MNDA: variants seen among roughly 807,000 people sequenced by gnomAD.
MNDA encodes myeloid cell nuclear differentiation antigen, also known as epididymis secretory sperm binding protein.
In MNDA, 43 loss-of-function variants were observed where a neutral mutation model predicts 37.8. That is an observed-to-expected ratio of 1.14 (90% CI 0.89 to 1.47). The LOEUF (loss-of-function observed/expected upper bound fraction) is 1.47. Ranked by LOEUF, MNDA falls within the 40% of genes most tolerant of loss-of-function variation. MNDA has a pLI of 0.00. For synonymous variants in MNDA, 181 were observed against 169.0 expected (o/e 1.07, Z -0.55); for missense variants, 536 against 476.0 (o/e 1.13, Z -1.17).
chr1:158,844,455 G>C (rs1293926936), intron 4 of MNDA, among the ~76,000 whole-genome samples: 1 of 150,234 alleles, frequency 6.7e-6, no homozygotes, highest in East Asian at 1.9e-4. Context: ...ATCTGCCAAC[G>C]TTCTCTTCAG....
intron 1 of MNDA, among the ~76,000 whole-genome samples, chr1:158,833,422 C>A (rs1353564505): frequency 6.6e-6 from 1 of 152,170 alleles, no homozygotes; most frequent in East Asian, 1.9e-4. Flanking sequence ...TGCAACCAAC[C>A]TCCAGAACGC....
At chr1:158,837,179 GGCTTTACT>G (rs1232867617) in intron 1 of MNDA, among the ~76,000 whole-genome samples, 1 of 151,770 alleles carries the variant, frequency 6.6e-6, no homozygotes, top group East Asian at 1.9e-4. Context: ...TACTGTTGTT[GGCTTTACT>G]GTTTTGGATA....
intron 1 of MNDA, among the ~76,000 whole-genome samples, chr1:158,834,971 C>A (rs1658878916): frequency 6.6e-6 from 1 of 152,248 alleles, no homozygotes; most frequent in South Asian, 2.1e-4. Context: ...TTCCATTGTT[C>A]TTTATGTCTG....
intron 1 of MNDA, among the ~76,000 whole-genome samples, chr1:158,839,746 T>C (rs1239252212): frequency 6.6e-6 from 1 of 152,216 alleles, no homozygotes; most frequent in African/African-American, 2.4e-5. Flanking sequence ...TTCCACTATT[T>C]TGAATGTGGC....
intron 1 of MNDA, among the ~76,000 whole-genome samples, chr1:158,834,259 G>A (rs962060173): frequency 1.4e-5 from 2 of 144,492 alleles, no homozygotes; most frequent in African/African-American, 5.3e-5. Context: ...TTGAGACGGA[G>A]TTTCGCCCTG....
intron 6 of MNDA, among the ~76,000 whole-genome samples, chr1:158,848,848 A>G (rs963920416): frequency 6.6e-6 from 1 of 152,144 alleles, no homozygotes; most frequent in African/African-American, 2.4e-5. Context: ...TGGTAGTTTG[A>G]AATCAGCCAT....
intron 1 of MNDA, among the ~76,000 whole-genome samples, chr1:158,832,779 T>C (rs1240376812): frequency 6.6e-6 from 1 of 152,064 alleles, no homozygotes; most frequent in Admixed American, 6.5e-5. Context: ...TTTCTCAAAC[T>C]TAAGTGAACT....
chr1:158,842,010 C>T (rs1659036771), intron 1 of MNDA, 124 bp from the exon 2 acceptor site: 1 of 726,812 alleles, frequency 1.4e-6, no homozygotes, highest in South Asian at 1.9e-5. Flanking sequence ...TAACTTAGTC[C>T]CTTTTTCTTA....
chr1:158,846,921 G>A (rs921850250), intron 5 of MNDA, among the ~76,000 whole-genome samples: 2 of 152,214 alleles, frequency 1.3e-5, no homozygotes, highest in African/African-American at 4.8e-5. Context: ...TACAGAGTAT[G>A]AATGGAGGGA....
At chr1:158,842,446 AC>A in intron 2 of MNDA, 28 bp downstream of exon 2, 1 of 1,586,010 alleles carries the variant, frequency 6.3e-7, no homozygotes, top group South Asian at 1.2e-5. Context: ...GCACATAGCT[AC>A]TCTGCCTTGA....
At chr1:158,834,798 T>G (rs762301906) in intron 1 of MNDA, among the ~76,000 whole-genome samples, 16 of 152,342 alleles carry the variant, frequency 1.1e-4, no homozygotes, top group Admixed American at 1.3e-4. Context: ...AGTTACATTT[T>G]GTATATGATG....
chr1:158,835,416 G>T (rs535007874), intron 1 of MNDA, among the ~76,000 whole-genome samples: 1 of 152,006 alleles, frequency 6.6e-6, no homozygotes, highest in Non-Finnish European at 1.5e-5. Flanking sequence ...CGTTGTTAGC[G>T]TATAAAAACA....
intron 2 of MNDA, among the ~76,000 whole-genome samples, chr1:158,843,023 T>C (rs1659062691): frequency 6.6e-6 from 1 of 152,186 alleles, no homozygotes. Context: ...CACATGGAGT[T>C]CACAGGAAAG....
At chr1:158,842,600 A>C in intron 2 of MNDA, 182 bp downstream of exon 2, 1 of 550,874 alleles carries the variant, frequency 1.8e-6, no homozygotes, top group East Asian at 2.9e-5. Flanking sequence ...CATATGAAAG[A>C]GATTGATATA....
chr1:158,845,930 A>G lies in MNDA; in HGVS notation c.914A>G (p.Lys305Arg), dbSNP rs749719653. The change falls in exon 5 of 7, where the codon AAA becomes AGA. Residue 305 changes from lysine (K) to arginine (R), a missense_variant. Coordinates refer to ENST00000368141, the MANE Select transcript of MNDA (RefSeq NM_002432.3). The part of the protein sequence containing the change: ...VPNRIIEIAN[K>R]TPKISQLYKQ... ...AACAGAATTATCGAAATAGCAAATA[A>G]AACTCCCAAGATCAGTCAACTTTAC... is the stretch of plus-strand genomic sequence containing the variant. 6 of 1,614,152 alleles carry G rather than the reference A, an allele frequency of 3.7e-6. No homozygotes were observed. The highest frequency in any genetic ancestry group is 4.2e-6 in the Non-Finnish European group (5 of 1,180,010).
intron 5 of MNDA, among the ~76,000 whole-genome samples, 157 bp downstream of exon 5, chr1:158,846,160 A>T (rs1659129502): frequency 6.6e-6 from 1 of 152,242 alleles, no homozygotes; most frequent in Non-Finnish European, 1.5e-5. Context: ...GGACTAAGTG[A>T]CCTATTAACT....
At chr1:158,846,153 C>A in intron 5 of MNDA, 150 bp downstream of exon 5, 1 of 772,866 alleles carries the variant, frequency 1.3e-6, no homozygotes, top group South Asian at 2.0e-5. Context: ...GGAAATAGGA[C>A]TAAGTGACCT....
Position 158,845,793 on chromosome 1 carries a change from A to C in MNDA, c.777A>C (p.Lys259Asn). 1 of 1,614,116 alleles carries C rather than the reference A, an allele frequency of 6.2e-7. No individual in the cohort carries two copies. The highest frequency in any genetic ancestry group is 8.5e-7 in the Non-Finnish European group (1 of 1,179,980). Residue 259 changes from lysine to asparagine, a missense_variant, in exon 5 of 7, where the codon AAA becomes AAC. Lys to Asn is a moderately conservative substitution (Grantham distance 94). Coordinates refer to ENST00000368141, the MANE Select transcript of MNDA (RefSeq NM_002432.3). ...TCTTCGACATCAACTTGAAAGAGAA[A>C]TTTGTAAGGAAGAAGGTCATTACCA... ...VKVFDINLKE[K>N]FVRKKVITIS... is the part of the protein sequence containing the mutation.
chr1:158,845,812 A>G lies in MNDA; in HGVS notation c.796A>G (p.Ile266Val). The G allele has an allele frequency of 6.2e-7, 1 of 1,614,126 alleles. No individual in the cohort carries two copies. The stretch of plus-strand genomic sequence containing the variant: ...AGAGAAATTTGTAAGGAAGAAGGTC[A>G]TTACCATATCTGATTACTCTGAATG... ...LKEKFVRKKV[I>V]TISDYSECKG... Residue 266 changes from isoleucine to valine, a missense_variant, in exon 5 of 7, where the codon ATT (isoleucine) becomes GTT (valine). Coordinates refer to ENST00000368141, the MANE Select transcript of MNDA (RefSeq NM_002432.3).
Sources: allele counts gnomAD v4.1 joint callset (sites outside exome capture counted in the v4.1 genomes callset), GRCh38; gene constraint gnomAD v4.1.1; transcripts MANE v1.5; gene names NCBI Gene and HGNC (gene_info 2026-07-23, HGNC 2026-07-21).